Variants in MYO3A observed in about 807,000 individuals in gnomAD.
MYO3A encodes the protein myosin-IIIa.
MYO3A carries 180 observed loss-of-function variants against 192.7 expected under a neutral mutation model. That is an observed-to-expected ratio of 0.93 (90% CI 0.83 to 1.06). MYO3A has a LOEUF of 1.06. Among genes scored for constraint, MYO3A ranks in the 50% least tolerant of loss-of-function variants. The probability of loss-of-function intolerance (pLI) is 0.00; values close to 1 mark genes in which losing one functional copy is unlikely to be tolerated. For missense variants in MYO3A, 1,896 were observed against 1,905.0 expected (o/e 1.00, Z 0.09); for synonymous variants, 628 against 645.3 (o/e 0.97, Z 0.41).
intron 11 of MYO3A, among the ~76,000 whole-genome samples, chr10:26,067,551 C>G (rs897451544): frequency 6.6e-6 from 1 of 152,188 alleles, no homozygotes; most frequent in African/African-American, 2.4e-5. Flanking sequence ...ACCTCAACAG[C>G]CTGTCTGTTA....
At chr10:26,090,884 C>CCATGTGG (rs1363129255) in intron 15 of MYO3A, among the ~76,000 whole-genome samples, 2 of 152,200 alleles carry the variant, frequency 1.3e-5, no homozygotes, top group Admixed American at 1.3e-4. Flanking sequence ...TTCCTGTCTG[C>CCATGTGG]AGGTGGAGGG....
At chr10:26,144,840 C>A (rs920051822) in intron 21 of MYO3A, among the ~76,000 whole-genome samples, 1 of 152,074 alleles carries the variant, frequency 6.6e-6, no homozygotes, top group African/African-American at 2.4e-5. Flanking sequence ...CACCCCAAAC[C>A]TACTGAGTCA....
chr10:26,046,123 G>A (rs60489830), intron 10 of MYO3A, among the ~76,000 whole-genome samples: 24,710 of 152,088 alleles, frequency 0.16, 2,306 homozygotes, highest in Non-Finnish European at 0.21. Context: ...CAAGGAGACG[G>A]TCATGGGAAC....
chr10:26,114,830 A>G (rs963591535), intron 17 of MYO3A, among the ~76,000 whole-genome samples: 1 of 152,238 alleles, frequency 6.6e-6, no homozygotes, highest in African/African-American at 2.4e-5. Context: ...TAGAAGAAAT[A>G]TACACTAGGC....
intron 4 of MYO3A, among the ~76,000 whole-genome samples, 175 bp from the exon 5 acceptor site, chr10:25,996,312 ATTT>A (rs996713135): frequency 2.0e-5 from 3 of 152,254 alleles, no homozygotes; most frequent in Non-Finnish European, 2.9e-5. Context: ...CTAGGAATTA[ATTT>A]TACACAAGTC....
At chr10:26,019,694 G>T (rs1168662116) in intron 7 of MYO3A, among the ~76,000 whole-genome samples, 2 of 152,074 alleles carry the variant, frequency 1.3e-5, no homozygotes, top group African/African-American at 4.8e-5. Flanking sequence ...TGTTTTCAGG[G>T]TTCATCCATG....
intron 5 of MYO3A, 146 bp downstream of exon 5, chr10:25,996,740 A>G (rs1840463959): frequency 6.8e-6 from 5 of 733,918 alleles, no homozygotes; most frequent in Non-Finnish European, 9.3e-6. Flanking sequence ...CATGTTCAGC[A>G]TAGCTAATTC....
At chr10:26,039,074 CT>C (rs1275701362) in intron 10 of MYO3A, among the ~76,000 whole-genome samples, 3 of 151,866 alleles carry the variant, frequency 2.0e-5, no homozygotes, top group Non-Finnish European at 4.4e-5. Context: ...GAGTTTCGCT[CT>C]TGTTGCCCAG....
At chr10:26,026,715 T>G (rs1428433316) in intron 10 of MYO3A, among the ~76,000 whole-genome samples, 183 bp downstream of exon 10, 1 of 152,212 alleles carries the variant, frequency 6.6e-6, no homozygotes, top group East Asian at 1.9e-4. Context: ...ACTTTCTTTT[T>G]TTTTGAAACA....
At chr10:26,067,988 A>G (rs1023118731) in intron 11 of MYO3A, among the ~76,000 whole-genome samples, 2 of 152,200 alleles carry the variant, frequency 1.3e-5, no homozygotes, top group African/African-American at 4.8e-5. Context: ...AAGAACATCA[A>G]ACATCTTGAA....
chr10:25,965,685 A>T (rs1838212545), intron 4 of MYO3A, among the ~76,000 whole-genome samples: 1 of 151,890 alleles, frequency 6.6e-6, no homozygotes, highest in Non-Finnish European at 1.5e-5. Context: ...AAACCTGCAA[A>T]CCTCTGTAGC....
rs1006856708 is a variant in MYO3A at position 26,110,886 on chromosome 10, T to A, written c.1777-9790T>A. Among the ~76,000 whole-genome samples the A allele has an allele frequency of 8.0e-3, 1,209 of 150,720 alleles. 14 individuals are homozygous for A. The highest frequency in any genetic ancestry group is 0.027 in the African/African-American group (1,094 of 41,066). ...TTTCTTTTCTTTTTTTTTTTTTTTT[T>A]AAGAGATGGGATCTCTCTCTGTTGC... On this transcript the variant is annotated intron_variant, in intron 17 of 34. Transcript: ENST00000642920.
At chr10:26,052,231 A>G (rs1180583704) in intron 10 of MYO3A, among the ~76,000 whole-genome samples, 5 of 152,216 alleles carry the variant, frequency 3.3e-5, no homozygotes, top group African/African-American at 1.2e-4. Flanking sequence ...TCACTTTTCC[A>G]ATCCCATCCT....
At chr10:26,148,205 A>G (rs903668038) in intron 23 of MYO3A, among the ~76,000 whole-genome samples, 1 of 152,110 alleles carries the variant, frequency 6.6e-6, no homozygotes, top group Non-Finnish European at 1.5e-5. Context: ...GTTTCTCATG[A>G]CCCTTTATAA....
intron 4 of MYO3A, among the ~76,000 whole-genome samples, chr10:25,985,108 T>C (rs1232670992): frequency 6.6e-6 from 1 of 151,794 alleles, no homozygotes; most frequent in African/African-American, 2.4e-5. Flanking sequence ...CATGGCGGTG[T>C]GTGCCTGTCG....
intron 32 of MYO3A, among the ~76,000 whole-genome samples, chr10:26,198,171 T>A (rs1303912556): frequency 6.6e-6 from 1 of 152,226 alleles, no homozygotes; most frequent in African/African-American, 2.4e-5. Flanking sequence ...TCCTTGGATG[T>A]CACTTCTTAC....
At chr10:25,945,199 A>T (rs955494993) in intron 2 of MYO3A, among the ~76,000 whole-genome samples, 3 of 151,916 alleles carry the variant, frequency 2.0e-5, no homozygotes, top group African/African-American at 7.3e-5. Context: ...CCAGTCTTCT[A>T]GTTTCATTAC....
In MYO3A at chr10:26,157,481, TC is replaced by T; in HGVS notation, c.2968del (p.His990IlefsTer9). 6.2e-7 allele frequency: 1 copy of T among 1,614,148 alleles called. No individual in the cohort carries two copies. Among genetic ancestry groups the T allele is most frequent in the Middle Eastern group, 1.6e-4 (1 of 6,062 alleles). On this transcript the variant is annotated frameshift_variant, in exon 26 of 35. Coordinates refer to ENST00000642920, the MANE Select transcript of MYO3A (RefSeq NM_017433.5). LOFTEE classifies it high-confidence loss of function. ...AGCAAGAATTCGAAGACTAGGATTC[TC>T]CCATCGGATACTTTTTGCTAACTTT... ...ETARIRRLGF[S>X]HRILFANFIK...
At chr10:25,956,495 A>ATTTTTT (rs562368305) in intron 4 of MYO3A, among the ~76,000 whole-genome samples, 12 of 128,846 alleles carry the variant, frequency 9.3e-5, no homozygotes, top group Non-Finnish European at 1.3e-4. Flanking sequence ...GCCCAGCTAA[A>ATTTTTT]TTTTTTTTTT....
Sources: gnomAD v4.1 joint callset for allele counts (sites outside exome capture counted in the v4.1 genomes callset) on GRCh38, gnomAD v4.1.1 for gene constraint, MANE v1.5 for transcripts, NCBI Gene and HGNC (gene_info 2026-07-23, HGNC 2026-07-21) for gene names.